Variants in GABRB1 observed in about 807,000 individuals in gnomAD.
GABRB1 encodes gamma-aminobutyric acid receptor subunit beta-1.
GABRB1 carries 17 observed loss-of-function variants against 51.6 expected under a neutral mutation model. The ratio of observed to expected loss-of-function variants is 0.33; its 90% CI spans 0.23 to 0.49. The LOEUF (loss-of-function observed/expected upper bound fraction) is 0.49. Among genes scored for constraint, GABRB1 ranks in the 20% least tolerant of loss-of-function variants. The pLI is 0.99. For synonymous variants in GABRB1, 247 were observed against 218.9 expected, an observed-to-expected ratio of 1.13 and a Z score of -1.14; for missense variants, 410 against 600.6, an observed-to-expected ratio of 0.68 and a Z score of 3.32.
At chr4:46,997,010 C>A (rs1724020016) in intron 1 of GABRB1, among the ~76,000 whole-genome samples, 1 of 152,060 alleles carries the variant, frequency 6.6e-6, no homozygotes, top group African/African-American at 2.4e-5. Context: ...AAGCTATTGA[C>A]AATTTTATGT....
chr4:47,345,359 A>T (rs936451668), intron 5 of GABRB1, among the ~76,000 whole-genome samples: 4 of 152,170 alleles, frequency 2.6e-5, no homozygotes, highest in African/African-American at 9.7e-5. Context: ...GACTTACACC[A>T]ATAAAGGTAA....
At chr4:47,400,491 T>C (rs1728338144) in intron 5 of GABRB1, among the ~76,000 whole-genome samples, 1 of 151,510 alleles carries the variant, frequency 6.6e-6, no homozygotes, top group Non-Finnish European at 1.5e-5. Flanking sequence ...ATGGAAAGCA[T>C]AGTGAGCTCC....
chr4:47,128,022 T>C (rs912438328), intron 3 of GABRB1, among the ~76,000 whole-genome samples: 3 of 151,766 alleles, frequency 2.0e-5, no homozygotes, highest in Non-Finnish European at 4.4e-5. Context: ...AAGTCATTAA[T>C]TATATTAAAT....
rs912037133 is a variant in GABRB1 at position 47,280,864 on chromosome 4, G to T, written c.462-39263G>T. Among the ~76,000 whole-genome samples the T allele has an allele frequency of 4.8e-5, 7 of 147,204 alleles. No individual in the cohort carries two copies. The Admixed American group carries it at 4.8e-4, about 10-fold the overall frequency. ...AGAAATGAGTCTTGCTAAATTGCCA[G>T]GCTGGTCTCACACTTCTGGGATCAA... On this transcript the variant is annotated intron_variant, in intron 4 of 8. Coordinates refer to ENST00000295454, the MANE Select transcript of GABRB1 (RefSeq NM_000812.4).
At chr4:47,010,333 G>C (rs1214263465) in intron 1 of GABRB1, among the ~76,000 whole-genome samples, 1 of 152,212 alleles carries the variant, frequency 6.6e-6, no homozygotes, top group Non-Finnish European at 1.5e-5. Context: ...TATTAGAGCA[G>C]TAATAACTTT....
intron 5 of GABRB1, among the ~76,000 whole-genome samples, chr4:47,394,393 A>T (rs1238314286): frequency 1.3e-5 from 2 of 152,250 alleles, no homozygotes; most frequent in Non-Finnish European, 2.9e-5. Flanking sequence ...CATTGTAATT[A>T]TTCTATGTTT....
At chr4:47,337,214 G>A (rs996836536) in intron 5 of GABRB1, among the ~76,000 whole-genome samples, 3 of 152,106 alleles carry the variant, frequency 2.0e-5, no homozygotes, top group African/African-American at 7.2e-5. Context: ...CTGCACTCCA[G>A]CCTAGGTGGC....
intron 3 of GABRB1, among the ~76,000 whole-genome samples, chr4:47,113,642 A>G (rs1351736986): frequency 6.6e-6 from 1 of 152,194 alleles, no homozygotes; most frequent in Non-Finnish European, 1.5e-5. Flanking sequence ...TGAGAGGGTA[A>G]CATTTTTTTT....
intron 4 of GABRB1, among the ~76,000 whole-genome samples, chr4:47,176,418 A>G (rs140671027): frequency 6.6e-6 from 1 of 152,262 alleles, no homozygotes; most frequent in Non-Finnish European, 1.5e-5. Context: ...AGTAGTCAGT[A>G]TGTTTATAAG....
intron 4 of GABRB1, among the ~76,000 whole-genome samples, chr4:47,244,762 T>C (rs1487337379): frequency 1.3e-5 from 2 of 152,110 alleles, no homozygotes; most frequent in Non-Finnish European, 2.9e-5. Flanking sequence ...AATGACGAAA[T>C]GAAGGCAGAA....
intron 4 of GABRB1, among the ~76,000 whole-genome samples, chr4:47,288,797 G>A (rs948393340): frequency 6.6e-6 from 1 of 152,162 alleles, no homozygotes; most frequent in African/African-American, 2.4e-5. Context: ...AGGAAACTGA[G>A]TCCAGAGAAG....
chr4:47,233,687 G>A (rs1197811396), intron 4 of GABRB1, among the ~76,000 whole-genome samples: 1 of 152,040 alleles, frequency 6.6e-6, no homozygotes, highest in Non-Finnish European at 1.5e-5. Context: ...TCACTAGACT[G>A]TATAATTTAT....
chr4:47,106,544 A>G (rs1016495243), intron 3 of GABRB1, among the ~76,000 whole-genome samples: 6 of 152,076 alleles, frequency 3.9e-5, no homozygotes, highest in African/African-American at 1.4e-4. Flanking sequence ...CATTAAGACT[A>G]AAGTTTTTTA....
chr4:47,137,264 G>A (rs1031023169), intron 3 of GABRB1, among the ~76,000 whole-genome samples: 1 of 151,998 alleles, frequency 6.6e-6, no homozygotes, highest in African/African-American at 2.4e-5. Context: ...AGGAAAGAGG[G>A]ATCTGGAGGT....
chr4:47,230,715 A>G (rs1337596925), intron 4 of GABRB1, among the ~76,000 whole-genome samples: 1 of 152,162 alleles, frequency 6.6e-6, no homozygotes, highest in Non-Finnish European at 1.5e-5. Context: ...TGGGAGTACT[A>G]GTGTCTAAAA....
At chr4:47,345,851 T>A (rs542138505) in intron 5 of GABRB1, among the ~76,000 whole-genome samples, 4 of 152,248 alleles carry the variant, frequency 2.6e-5, no homozygotes, top group African/African-American at 9.6e-5. Context: ...TGTGATTTAT[T>A]TTTTCTGCAC....
chr4:47,183,288 T>C (rs1484019398), intron 4 of GABRB1, among the ~76,000 whole-genome samples: 2 of 149,412 alleles, frequency 1.3e-5, no homozygotes, highest in Admixed American at 6.7e-5. Flanking sequence ...TATTATCAGC[T>C]CTTCCACCAC....
intron 3 of GABRB1, among the ~76,000 whole-genome samples, chr4:47,080,522 T>C (rs1727784985): frequency 2.0e-5 from 3 of 152,228 alleles, no homozygotes; most frequent in Admixed American, 1.3e-4. Flanking sequence ...ATTAGCATGG[T>C]CGTCCATGTA....
chr4:47,416,834 A>G (rs1728937834), intron 8 of GABRB1, among the ~76,000 whole-genome samples: 1 of 152,064 alleles, frequency 6.6e-6, no homozygotes, highest in Non-Finnish European at 1.5e-5. Context: ...TCCAGCTTCT[A>G]TGTAGAGAAA....
Sources: allele counts gnomAD v4.1 joint callset (sites outside exome capture counted in the v4.1 genomes callset), GRCh38; gene constraint gnomAD v4.1.1; transcripts MANE v1.5; gene names NCBI Gene and HGNC (gene_info 2026-07-23, HGNC 2026-07-21).